SLC24A3: variants seen among roughly 807,000 people sequenced by gnomAD.
SLC24A3 encodes sodium/potassium/calcium exchanger 3.
A neutral mutation model predicts 75.8 loss-of-function variants in SLC24A3; 28 were observed. That is an observed-to-expected ratio of 0.37 (90% confidence interval 0.27 to 0.51). The LOEUF is 0.51. SLC24A3 is among the 20% of genes least tolerant of loss of function. The pLI, the probability that SLC24A3 is intolerant of heterozygous loss-of-function variation, is 0.94. For missense variants in SLC24A3, 663 were observed against 847.8 expected (o/e 0.78, Z 2.71); for synonymous variants, 372 against 334.1 (o/e 1.11, Z -1.24).
chr20:19,429,786 T>C (rs941758079), intron 2 of SLC24A3, among the ~76,000 whole-genome samples: 3 of 152,238 alleles, frequency 2.0e-5, no homozygotes, highest in Non-Finnish European at 4.4e-5. Context: ...TTTTTATTTC[T>C]AACTGACCCA....
At chr20:19,228,709 T>C (rs1281663252) in intron 1 of SLC24A3, among the ~76,000 whole-genome samples, 2 of 152,074 alleles carry the variant, frequency 1.3e-5, no homozygotes, top group African/African-American at 4.8e-5. Flanking sequence ...CTTATTAAAG[T>C]GTTTAATATA....
intron 2 of SLC24A3, among the ~76,000 whole-genome samples, chr20:19,305,440 A>G (rs1461984406): frequency 2.0e-5 from 3 of 151,894 alleles, no homozygotes; most frequent in African/African-American, 4.8e-5. Context: ...AGTGAATGCT[A>G]CGCCCTGACG....
At chr20:19,475,780 A>T (rs1358857070) in intron 2 of SLC24A3, among the ~76,000 whole-genome samples, 1 of 152,218 alleles carries the variant, frequency 6.6e-6, no homozygotes, top group Non-Finnish European at 1.5e-5. Context: ...AAAATTCCAA[A>T]AATTTATTTT....
At chr20:19,703,747 CT>C (rs2032898253) in intron 15 of SLC24A3, among the ~76,000 whole-genome samples, 1 of 152,190 alleles carries the variant, frequency 6.6e-6, no homozygotes, top group African/African-American at 2.4e-5. Context: ...GCTTCTTTGA[CT>C]AATAATGTTA....
intron 1 of SLC24A3, among the ~76,000 whole-genome samples, chr20:19,260,930 G>T (rs1374291525): frequency 6.6e-6 from 1 of 152,220 alleles, no homozygotes; most frequent in Non-Finnish European, 1.5e-5. Context: ...ATGGGATCAG[G>T]TCGAGTCACA....
intron 2 of SLC24A3, among the ~76,000 whole-genome samples, chr20:19,496,755 C>G (rs988138525): frequency 6.6e-6 from 1 of 152,086 alleles, no homozygotes; most frequent in African/African-American, 2.4e-5. Context: ...CACAACCGAG[C>G]CCTGGGTGCT....
At chr20:19,687,586 G>A (rs1023623468) in intron 12 of SLC24A3, among the ~76,000 whole-genome samples, 5 of 152,186 alleles carry the variant, frequency 3.3e-5, no homozygotes, top group Non-Finnish European at 7.3e-5. Context: ...TAATTAAACA[G>A]TCGAGCCAGT....
chr20:19,301,932 A>G (rs1984206075), intron 2 of SLC24A3, among the ~76,000 whole-genome samples: 1 of 152,228 alleles, frequency 6.6e-6, no homozygotes, highest in Admixed American at 6.5e-5. Context: ...ACTAGCACTT[A>G]AAGCCCTGCA....
At chr20:19,455,528 TAGAG>T (rs1600236486) in intron 2 of SLC24A3, among the ~76,000 whole-genome samples, 1 of 152,144 alleles carries the variant, frequency 6.6e-6, no homozygotes, top group Non-Finnish European at 1.5e-5. Flanking sequence ...AGCATAAACA[TAGAG>T]AGAGCCGAGA....
intron 2 of SLC24A3, among the ~76,000 whole-genome samples, chr20:19,429,107 T>C (rs1987060008): frequency 6.6e-6 from 1 of 152,234 alleles, no homozygotes; most frequent in African/African-American, 2.4e-5. Flanking sequence ...AGCCAGAAAC[T>C]TTCATTTCTC....
chr20:19,390,677 G>A (rs1162973125), intron 2 of SLC24A3, among the ~76,000 whole-genome samples: 1 of 152,198 alleles, frequency 6.6e-6, no homozygotes, highest in Non-Finnish European at 1.5e-5. Flanking sequence ...GCTGGACCTG[G>A]AGCCTACATT....
intron 2 of SLC24A3, among the ~76,000 whole-genome samples, chr20:19,441,072 T>C (rs1206005789): frequency 1.3e-5 from 2 of 152,144 alleles, no homozygotes; most frequent in Non-Finnish European, 2.9e-5. Context: ...GTGCACCCAC[T>C]CCTGGGTGAG....
chr20:19,318,807 T>G (rs1476465558), intron 2 of SLC24A3, among the ~76,000 whole-genome samples: 1 of 152,164 alleles, frequency 6.6e-6, no homozygotes, highest in Non-Finnish European at 1.5e-5. Context: ...TCCCCAGAAC[T>G]GCTGTCCTGT....
At chr20:19,355,373 T>C (rs1985660689) in intron 2 of SLC24A3, among the ~76,000 whole-genome samples, 1 of 152,196 alleles carries the variant, frequency 6.6e-6, no homozygotes, top group African/African-American at 2.4e-5. Flanking sequence ...GAAGACAGGA[T>C]AAGAAGGATG....
intron 2 of SLC24A3, among the ~76,000 whole-genome samples, chr20:19,306,489 A>G (rs1024257172): frequency 1.3e-5 from 2 of 152,210 alleles, no homozygotes; most frequent in African/African-American, 4.8e-5. Context: ...AGAAATTGTG[A>G]TACATATATA....
intron 6 of SLC24A3, among the ~76,000 whole-genome samples, chr20:19,598,930 ACAC>A (rs1455219390): frequency 6.6e-6 from 1 of 152,008 alleles, no homozygotes; most frequent in Non-Finnish European, 1.5e-5. Context: ...ACGCACACAC[ACAC>A]CTTTCTTTTA....
chr20:19,313,465 G>A (rs552766060), intron 2 of SLC24A3, among the ~76,000 whole-genome samples: 3 of 152,204 alleles, frequency 2.0e-5, no homozygotes, highest in Non-Finnish European at 4.4e-5. Context: ...TGGGGTGTCT[G>A]GTTCCTCCCC....
intron 1 of SLC24A3, among the ~76,000 whole-genome samples, chr20:19,259,712 C>A (rs1191724132): frequency 6.6e-6 from 1 of 152,176 alleles, no homozygotes; most frequent in Non-Finnish European, 1.5e-5. Flanking sequence ...AACATTGTTT[C>A]TCCCCCAACA....
chr20:19,527,392 A>T (rs2030218755), intron 3 of SLC24A3, among the ~76,000 whole-genome samples: 1 of 152,148 alleles, frequency 6.6e-6, no homozygotes, highest in Non-Finnish European at 1.5e-5. Flanking sequence ...TGTGCTTAAG[A>T]TCTTGGTGTC....
Sources: allele counts gnomAD v4.1 joint callset (sites outside exome capture counted in the v4.1 genomes callset), GRCh38; gene constraint gnomAD v4.1.1; transcripts MANE v1.5; gene names NCBI Gene and HGNC (gene_info 2026-07-23, HGNC 2026-07-21).